Variants in ZNF831 observed in about 807,000 individuals in gnomAD.
ZNF831 encodes zinc finger protein 831.
Under a neutral mutation model 95.8 loss-of-function variants are expected in ZNF831, and 59 were observed. The observed-to-expected ratio is 0.62, with a 90% CI of 0.50 to 0.77. The LOEUF is 0.77. Among genes scored for constraint, ZNF831 ranks in the 30% least tolerant of loss-of-function variants. The pLI, the probability that ZNF831 is intolerant of heterozygous loss-of-function variation, is 0.00. For missense variants in ZNF831, 2,205 were observed against 2,164.0 expected, an observed-to-expected ratio of 1.02 and a Z score of -0.38; for synonymous variants, 961 against 925.5, an observed-to-expected ratio of 1.04 and a Z score of -0.70.
chr20:59,193,688 C>T lies in ZNF831; in HGVS notation c.2669C>T (p.Ala890Val), dbSNP rs56057707. 0.19 allele frequency: 305,477 copies of T among 1,612,608 alleles called. 29,716 individuals carry two copies. Among genetic ancestry groups the T allele is most frequent in the East Asian group, 0.21 (9,611 of 44,846 alleles). Residue 890 changes from alanine to valine, a missense_variant, in exon 2 of 6, where the codon GCT becomes GTT. By Grantham distance (64) the Ala-to-Val change is moderately conservative. Transcript: ENST00000371030. ...TCCTCTGGAGCCTCCTTGGCTGCTG[C>T]TTCTGTTGCCCTGAAGAGGGTGGGG... is the stretch of plus-strand genomic sequence containing the variant. ...LESSGASLAA[A>V]SVALKRVGPR...
intron 4 of ZNF831, among the ~76,000 whole-genome samples, chr20:59,215,736 C>A (rs1985636724): frequency 6.6e-6 from 1 of 152,168 alleles, no homozygotes; most frequent in Non-Finnish European, 1.5e-5. Context: ...CTATGTGATT[C>A]TTTACTTATT....
upstream of ZNF831, among the ~76,000 whole-genome samples, chr20:59,161,170 T>C (rs1601313837): frequency 2.0e-5 from 3 of 152,358 alleles, no homozygotes; most frequent in Middle Eastern, 0.01. Flanking sequence ...TTCAGTGGCT[T>C]CTAGTATATT....
intron 4 of ZNF831, among the ~76,000 whole-genome samples, chr20:59,236,086 T>G (rs1226325359): frequency 6.6e-6 from 1 of 152,248 alleles, no homozygotes; most frequent in African/African-American, 2.4e-5. Flanking sequence ...CTTCTGTTGA[T>G]GTACTGTGGC....
intron 1 of ZNF831, among the ~76,000 whole-genome samples, chr20:59,125,346 G>A (rs1025223976): frequency 6.6e-6 from 1 of 152,168 alleles, no homozygotes; most frequent in African/African-American, 2.4e-5. Flanking sequence ...TGGCTTCTGT[G>A]ACTTGCAGAT....
At chr20:59,164,571 G>A (rs1028750171) in intron 1 of ZNF831, among the ~76,000 whole-genome samples, 1 of 152,118 alleles carries the variant, frequency 6.6e-6, no homozygotes, top group Admixed American at 6.5e-5. Flanking sequence ...CCAAGTATGT[G>A]TGGTATATAT....
chr20:59,211,779 TTGTGTG>T (rs11472424), intron 4 of ZNF831, among the ~76,000 whole-genome samples: 2 of 146,694 alleles, frequency 1.4e-5, no homozygotes, highest in Non-Finnish European at 3.0e-5. Flanking sequence ...GGAGCTGACC[TTGTGTG>T]TGTGTGTGTG....
intron 4 of ZNF831, among the ~76,000 whole-genome samples, chr20:59,213,950 G>A (rs1012940267): frequency 6.6e-6 from 1 of 152,200 alleles, no homozygotes; most frequent in Admixed American, 6.5e-5. Context: ...ATGTTGTAAA[G>A]GCTGGTGAGG....
chr20:59,139,420 G>T (rs1217087244), intron 1 of ZNF831, among the ~76,000 whole-genome samples: 2 of 151,884 alleles, frequency 1.3e-5, no homozygotes, highest in Non-Finnish European at 1.5e-5. Flanking sequence ...ACTCCACCCA[G>T]CCCCCCTAAA....
chr20:59,219,529 G>T (rs778181674), intron 4 of ZNF831, among the ~76,000 whole-genome samples: 1 of 152,174 alleles, frequency 6.6e-6, no homozygotes, highest in African/African-American at 2.4e-5. Context: ...CTGCTGGAGC[G>T]GAGAGGGGAG....
intron 4 of ZNF831, among the ~76,000 whole-genome samples, chr20:59,224,669 T>G: frequency 6.6e-6 from 1 of 152,202 alleles, no homozygotes; most frequent in East Asian, 1.9e-4. Context: ...CTTAAAATGT[T>G]GAGGTTTTAC....
intron 4 of ZNF831, among the ~76,000 whole-genome samples, chr20:59,213,588 G>A (rs1177533339): frequency 1.3e-5 from 2 of 152,160 alleles, no homozygotes; most frequent in African/African-American, 2.4e-5. Context: ...ACAAACATAA[G>A]TTTCTTTACC....
At chr20:59,158,499 C>G (rs1980663378) in intron 2 of ZNF831, among the ~76,000 whole-genome samples, 1 of 152,200 alleles carries the variant, frequency 6.6e-6, no homozygotes, top group Admixed American at 6.5e-5. Flanking sequence ...TCTGCCCACT[C>G]TGTGCCCACT....
At chr20:59,160,218 T>C (rs1303113591), upstream of ZNF831, 1 of 152,244 alleles carries the variant, frequency 6.6e-6, no homozygotes, top group Non-Finnish European at 1.5e-5. Flanking sequence ...TCTTCACAAA[T>C]TGTGTTCCTT....
chr20:59,210,739 G>T (rs1985244225), intron 4 of ZNF831, among the ~76,000 whole-genome samples: 1 of 152,172 alleles, frequency 6.6e-6, no homozygotes. Context: ...CCTCCATGTG[G>T]GGGAAATCCC....
At chr20:59,140,611 C>T (rs1425654110) in intron 1 of ZNF831, among the ~76,000 whole-genome samples, 2 of 152,196 alleles carry the variant, frequency 1.3e-5, no homozygotes, top group African/African-American at 4.8e-5. Context: ...CCAATGCTAA[C>T]GTCTTATTTA....
chr20:59,154,736 A>G (rs1980436092), intron 2 of ZNF831, among the ~76,000 whole-genome samples: 1 of 152,186 alleles, frequency 6.6e-6, no homozygotes, highest in African/African-American at 2.4e-5. Flanking sequence ...TGGTTTCTGC[A>G]TTGCAGGGAA....
intron 1 of ZNF831, among the ~76,000 whole-genome samples, chr20:59,190,450 T>A (rs904879361): frequency 1.2e-4 from 18 of 152,264 alleles, no homozygotes; most frequent in African/African-American, 3.6e-4. Flanking sequence ...TTTTTTTTCT[T>A]GCTGTCTTCA....
chr20:59,159,560 G>A (rs897287785), upstream of ZNF831: 5 of 152,182 alleles, frequency 3.3e-5, no homozygotes, highest in Non-Finnish European at 7.3e-5. Context: ...ACGGAGATGA[G>A]AGCGGTGGCC....
intron 1 of ZNF831, among the ~76,000 whole-genome samples, chr20:59,134,207 C>T (rs1601290220): frequency 6.6e-6 from 1 of 152,236 alleles, no homozygotes; most frequent in African/African-American, 2.4e-5. Context: ...CCCTGCTCCC[C>T]TCCTGCTCTC....
Sources: allele counts gnomAD v4.1 joint callset (sites outside exome capture counted in the v4.1 genomes callset), GRCh38; gene constraint gnomAD v4.1.1; transcripts MANE v1.5; gene names NCBI Gene and HGNC (gene_info 2026-07-23, HGNC 2026-07-21).